The following CACNA1B variants were observed in gnomAD, a reference collection of about 807,000 sequenced individuals.
The protein encoded by CACNA1B is voltage-dependent N-type calcium channel subunit alpha-1B.
Under a neutral mutation model 247.2 loss-of-function variants are expected in CACNA1B, and 70 were observed. That is an observed-to-expected ratio of 0.28 (90% CI 0.23 to 0.35). The LOEUF (loss-of-function observed/expected upper bound fraction) is 0.35, where lower values mean the gene tolerates loss of function less well. Among genes scored for constraint, CACNA1B ranks in the 10% least tolerant of loss-of-function variants. The pLI is 1.00. For missense variants in CACNA1B, 2,367 were observed against 3,197.4 expected, an observed-to-expected ratio of 0.74 and a Z score of 6.26; for synonymous variants, 1,231 against 1,294.4, an observed-to-expected ratio of 0.95 and a Z score of 1.05.
chr9:138,102,772 C>T lies in CACNA1B; in HGVS notation c.5284C>T (p.Leu1762=). 1 of 1,612,716 alleles carries T rather than the reference C, an allele frequency of 6.2e-7. No homozygotes were observed. Among genetic ancestry groups the T allele is most frequent in the Non-Finnish European group, 8.5e-7 (1 of 1,178,998 alleles). Residue 1762 remains leucine (L), a synonymous_variant, in exon 38 of 47, where the codon CTG becomes TTG. Transcript: ENST00000371372. The surrounding 1 kb of genome is among the most constrained non-coding windows in gnomAD (Gnocchi z 5.4). The part of the protein sequence containing the change: ...MLKHMSPPLG[L]GKKCPARVAY... ...GAAACACATGTCCCCGCCTCTGGGGCTGGGGAAGAAATGCCCTGCTCGAGT... is the reference window on the plus strand; with the variant it reads ...GAAACACATGTCCCCGCCTCTGGGGTTGGGGAAGAAATGCCCTGCTCGAGT...
At chr9:138,074,209 C>A in intron 34 of CACNA1B, 143 bp downstream of exon 34, 2 of 704,500 alleles carry the variant, frequency 2.8e-6, no homozygotes, top group Admixed American at 4.1e-5. Flanking sequence ...CTGCTTTGAG[C>A]ACTTGCTGAA....
rs369126795 is a variant in CACNA1B at position 137,879,151 on chromosome 9, G to A, written c.382G>A (p.Glu128Lys). 5 of 1,607,506 alleles carry A rather than the reference G, an allele frequency of 3.1e-6. No homozygotes were observed. The highest frequency in any genetic ancestry group is 3.4e-6 in the Non-Finnish European group (4 of 1,177,468). Residue 128 changes from glutamate (E) to lysine (K), a missense_variant, in exon 2 of 47, where the codon GAG (glutamate) becomes AAG (lysine). Glu to Lys is a moderately conservative substitution (Grantham distance 56). Around this residue, in one of 12 missense-constraint regions of CACNA1B, gnomAD observed 130 missense variants for 338.7 expected, o/e 0.38. Transcript: ENST00000371372. ...LPDGDKTPMSERLDDTEPYFI... is the reference protein window; with the variant it reads ...LPDGDKTPMSKRLDDTEPYFI... ...TGATGGGGACAAAACGCCCATGTCC[G>A]AGCGGCTGGTGAGTGCCCGGCTGGG...
intron 42 of CACNA1B, among the ~76,000 whole-genome samples, chr9:138,117,165 C>T (rs758401815): frequency 1.3e-5 from 2 of 152,294 alleles, no homozygotes; most frequent in East Asian, 1.9e-4. Context: ...AATACCAGTG[C>T]GGAAGTATCT....
chr9:138,010,043 T>C lies in CACNA1B; in HGVS notation c.2126T>C (p.Val709Ala). ...CTGAATGTCTTTCTGGCCATCGCTG[T>C]GGACAACCTGGCCAACGCCCAAGAG... is the stretch of plus-strand genomic sequence containing the variant. ...TLLNVFLAIA[V>A]DNLANAQELT... is the part of the protein sequence containing the mutation. The change falls in exon 17 of 47, where the codon GTG becomes GCG. Residue 709 changes from valine to alanine, a missense_variant. Transcript: ENST00000371372. This position sits in a 1 kb window ranked among gnomAD's most constrained non-coding sequence, Gnocchi z 5.3. 1 of 1,613,796 alleles carries C rather than the reference T, an allele frequency of 6.2e-7. No homozygotes were observed. The highest frequency in any genetic ancestry group is 8.5e-7 in the Non-Finnish European group (1 of 1,179,728).
At chr9:137,909,951 A>G (rs982762337) in intron 3 of CACNA1B, among the ~76,000 whole-genome samples, 1 of 151,958 alleles carries the variant, frequency 6.6e-6, no homozygotes, top group Non-Finnish European at 1.5e-5. Flanking sequence ...TTGTATTTTT[A>G]GTAGAGACAG....
intron 11 of CACNA1B, among the ~76,000 whole-genome samples, chr9:137,972,484 A>G (rs980228346): frequency 6.6e-6 from 1 of 152,066 alleles, no homozygotes; most frequent in Non-Finnish European, 1.5e-5. Flanking sequence ...TTCCGACTCC[A>G]GAGAAGAGCT....
intron 36 of CACNA1B, among the ~76,000 whole-genome samples, chr9:138,083,030 C>T (rs1255819464): frequency 2.0e-5 from 3 of 150,264 alleles, no homozygotes; most frequent in African/African-American, 7.4e-5. Flanking sequence ...ATCACCATCT[C>T]GGACACCTGC....
At chr9:138,049,480 G>A (rs373660712) in intron 24 of CACNA1B, among the ~76,000 whole-genome samples, 165 bp downstream of exon 24, 51 of 152,304 alleles carry the variant, frequency 3.3e-4, no homozygotes, top group African/African-American at 1.2e-3. Flanking sequence ...GCGGGGCTGC[G>A]TGGGGTTAGG....
intron 15 of CACNA1B, among the ~76,000 whole-genome samples, chr9:138,003,001 G>A (rs1020890183): frequency 9.9e-5 from 15 of 151,632 alleles, no homozygotes; most frequent in Admixed American, 9.2e-4. Flanking sequence ...GTTTCACTGT[G>A]TTGGCCAGGC....
At chr9:137,922,751 G>A (rs1957501918) in intron 6 of CACNA1B, among the ~76,000 whole-genome samples, 1 of 152,140 alleles carries the variant, frequency 6.6e-6, no homozygotes, top group Non-Finnish European at 1.5e-5. Context: ...TACAGAAATA[G>A]CTCATGCATC....
In CACNA1B at chr9:138,014,219, G is replaced by GGT. The variant is rs146888373; in HGVS notation, c.2267+996_2267+997dup. ...TGCTGGCATGTGGATGAGTGTGCTA[G>GGT]GTGTGTGTGTGTGCACTTGAGAGTT... is the stretch of plus-strand genomic sequence containing the variant. On this transcript the variant is annotated intron_variant, in intron 18 of 46. Coordinates refer to ENST00000371372, the MANE Select transcript of CACNA1B (RefSeq NM_000718.4). This position sits in a 1 kb window ranked among gnomAD's most constrained non-coding sequence, Gnocchi z 6.2. Among the ~76,000 whole-genome samples, 19 of 152,224 alleles carry GGT rather than the reference G, an allele frequency of 1.2e-4. No individual in the cohort carries two copies. In the South Asian group the frequency reaches 3.7e-3, roughly 30 times the overall value.
At chr9:137,949,400 G>A (rs1040493189) in intron 6 of CACNA1B, among the ~76,000 whole-genome samples, 1 of 151,726 alleles carries the variant, frequency 6.6e-6, no homozygotes, top group African/African-American at 2.4e-5. Flanking sequence ...GTGTGCGCTT[G>A]TGTGTCCAGT....
At chr9:138,096,307 C>T (rs367984922) in intron 36 of CACNA1B, among the ~76,000 whole-genome samples, 177 bp from the exon 37 acceptor site, 113 of 152,088 alleles carry the variant, frequency 7.4e-4, no homozygotes, top group African/African-American at 2.5e-3. Flanking sequence ...TCCAGAACCC[C>T]GTGAAGGCAG....
intron 36 of CACNA1B, among the ~76,000 whole-genome samples, chr9:138,090,431 G>A (rs1218463967): frequency 2.6e-5 from 4 of 151,980 alleles, no homozygotes; most frequent in African/African-American, 9.7e-5. Flanking sequence ...TTAAATGTAA[G>A]ACTCAAAACC....
At chr9:138,080,689 G>C (rs958548748) in intron 36 of CACNA1B, among the ~76,000 whole-genome samples, 2 of 152,180 alleles carry the variant, frequency 1.3e-5, no homozygotes, top group African/African-American at 2.4e-5. Context: ...CTTAATAGAT[G>C]ATGTGAGCCC....
chr9:138,069,427 A>C (rs923963947), intron 31 of CACNA1B, among the ~76,000 whole-genome samples: 2 of 152,214 alleles, frequency 1.3e-5, no homozygotes, highest in African/African-American at 4.8e-5. Flanking sequence ...CAAGAATGCA[A>C]ATGAATGCCA....
Position 138,122,080 on chromosome 9 carries a change from C to T in CACNA1B, c.*81C>T, listed in dbSNP as rs1241958560. On this transcript the variant is annotated 3_prime_UTR_variant, in exon 47 of 47. Coordinates refer to ENST00000371372, the MANE Select transcript of CACNA1B (RefSeq NM_000718.4). Reference sequence around the variant, plus strand: ...AGTTTTATCATCCACACGGGGCAGCCGGCCCTCGGGGGAGGCCTTGCCCAC... The same window carrying T: ...AGTTTTATCATCCACACGGGGCAGCTGGCCCTCGGGGGAGGCCTTGCCCAC... 1.3e-5 allele frequency: 17 copies of T among 1,307,648 alleles called. No homozygotes were observed. Among genetic ancestry groups the T allele is most frequent in the East Asian group, 2.5e-5 (1 of 39,470 alleles). The allele number at this position is 1,307,648 out of a possible 1,614,324, so 81.0% of individuals were successfully genotyped here.
rs1959226293 is a variant in CACNA1B at position 138,050,090 on chromosome 9, A to G, written c.3710+775A>G. On this transcript the variant is annotated intron_variant, in intron 24 of 46. Transcript: ENST00000371372. This position sits in a 1 kb window ranked among gnomAD's most constrained non-coding sequence, Gnocchi z 5.2. ...GACTCGGCAGGAGCTTCGTGGGGTA[A>G]TGCCTTCTCTCCCCCACACGCTGCC... 3.1e-6 allele frequency: 4 copies of G among 1,289,034 alleles called. No individual in the cohort carries two copies. The highest frequency in any genetic ancestry group is 3.0e-6 in the Non-Finnish European group (3 of 988,400). The allele number at this position is 1,289,034 out of a possible 1,614,324, so 79.8% of individuals were successfully genotyped here.
chr9:138,055,775 C>G (rs746258842), intron 26 of CACNA1B, among the ~76,000 whole-genome samples: 2 of 151,950 alleles, frequency 1.3e-5, no homozygotes, highest in Non-Finnish European at 2.9e-5. Flanking sequence ...GCCTGTAATC[C>G]CAGCACTTTG....
Sources: allele counts gnomAD v4.1 joint callset (sites outside exome capture counted in the v4.1 genomes callset), GRCh38; gene constraint gnomAD v4.1.1; regional missense constraint gnomAD v4.1.1; non-coding constraint Gnocchi (gnomAD v3.1); transcripts MANE v1.5; gene names NCBI Gene and HGNC (gene_info 2026-07-23, HGNC 2026-07-21).